The following BTBD16 variants were observed in gnomAD, a reference collection of about 807,000 sequenced individuals.
The protein encoded by BTBD16 is BTB domain containing 16, also known as BTB/POZ domain-containing protein 16.
In BTBD16, 66 loss-of-function variants were observed where a neutral mutation model predicts 67.4. The ratio of observed to expected loss-of-function variants is 0.98; its 90% CI spans 0.80 to 1.20. The LOEUF (loss-of-function observed/expected upper bound fraction) is 1.20. Ranked by LOEUF, BTBD16 falls within the 50% of genes most tolerant of loss-of-function variation. The pLI is 0.00. For synonymous variants in BTBD16, 242 were observed against 236.4 expected, an observed-to-expected ratio of 1.02 and a Z score of -0.22; for missense variants, 634 against 616.0, an observed-to-expected ratio of 1.03 and a Z score of -0.31.
At chr10:122,287,248 C>A in intron 5 of BTBD16, 1 of 178,780 alleles carries the variant, frequency 5.6e-6, no homozygotes, top group Non-Finnish European at 1.1e-5. Context: ...CCAGACTGGG[C>A]TCTTCCATCT....
intron 9 of BTBD16, among the ~76,000 whole-genome samples, chr10:122,302,629 G>T (rs901747329): frequency 5.3e-5 from 8 of 152,206 alleles, no homozygotes; most frequent in Admixed American, 2.0e-4. Context: ...ATGGGACAAG[G>T]TTCCTATGGG....
At chr10:122,275,205 C>T in intron 2 of BTBD16, 106 bp downstream of exon 2, 1 of 1,110,636 alleles carries the variant, frequency 9.0e-7, no homozygotes. Context: ...CACCGAGGAC[C>T]TCAAGCATTA....
intron 9 of BTBD16, among the ~76,000 whole-genome samples, chr10:122,301,076 C>T (rs2096392898): frequency 6.6e-6 from 1 of 152,186 alleles, no homozygotes; most frequent in South Asian, 2.1e-4. Context: ...CACTGGCTCA[C>T]TCCTAAAGTC....
At chr10:122,325,607 T>C (rs562952999) in intron 10 of BTBD16, among the ~76,000 whole-genome samples, 3 of 152,226 alleles carry the variant, frequency 2.0e-5, no homozygotes. Context: ...CAGGAATTAT[T>C]GTTTCATTTA....
At chr10:122,316,600 C>T (rs2096424965) in intron 10 of BTBD16, among the ~76,000 whole-genome samples, 2 of 152,002 alleles carry the variant, frequency 1.3e-5, no homozygotes, top group South Asian at 2.1e-4. Context: ...ATATCATAGG[C>T]AGTTGTAACA....
chr10:122,296,333 A>G (rs2096383117), intron 7 of BTBD16, among the ~76,000 whole-genome samples: 1 of 152,198 alleles, frequency 6.6e-6, no homozygotes, highest in Non-Finnish European at 1.5e-5. Context: ...GCTACTCTCC[A>G]GGGATGTGGT....
intron 10 of BTBD16, among the ~76,000 whole-genome samples, chr10:122,310,766 T>G (rs1273470454): frequency 6.6e-6 from 1 of 152,224 alleles, no homozygotes; most frequent in African/African-American, 2.4e-5. Flanking sequence ...GGGGACATGT[T>G]GAGGCCGTCA....
intron 10 of BTBD16, among the ~76,000 whole-genome samples, chr10:122,316,253 C>T (rs185358192): frequency 6.6e-5 from 10 of 152,178 alleles, no homozygotes; most frequent in Admixed American, 5.2e-4. Flanking sequence ...GGTGACTGAA[C>T]GAGACTCCAA....
In BTBD16 at chr10:122,338,121, C is replaced by T; in HGVS notation, c.*36C>T. 4 of 1,476,886 alleles carry T rather than the reference C, an allele frequency of 2.7e-6. No homozygotes were observed. The highest frequency in any genetic ancestry group is 2.8e-6 in the Non-Finnish European group (3 of 1,057,680). 91.5% of individuals were successfully genotyped at this position (1,476,886 alleles called of 1,614,324 possible). ...AAGAATCTATGGGATTTTCCCCCCA[C>T]TGGTCTGCATAAAAGAAAATAAAAT... On this transcript the variant is annotated 3_prime_UTR_variant, in exon 16 of 16. Transcript: ENST00000260723.
intron 10 of BTBD16, among the ~76,000 whole-genome samples, chr10:122,326,386 C>T (rs79431614): frequency 0.024 from 3,605 of 152,286 alleles, 146 homozygotes; most frequent in African/African-American, 0.082. Context: ...CTTTCTGTCT[C>T]TACGAATTTG....
chr10:122,273,221 G>GATATATATATATATATATATATAT (rs71715395), intron 1 of BTBD16, among the ~76,000 whole-genome samples: 154 of 129,406 alleles, frequency 1.2e-3, no homozygotes, highest in Non-Finnish European at 1.8e-3. Flanking sequence ...GCAACACAAA[G>GATATATATATATATATATATATAT]ATATATATAT....
chr10:122,312,015 A>G lies in BTBD16; in HGVS notation c.911+4707A>G, dbSNP rs1380590661. 2.0e-5 allele frequency among the ~76,000 whole-genome samples: 3 copies of G among 152,340 alleles called. No homozygotes were observed. In the East Asian group the frequency reaches 5.8e-4, roughly 29 times the overall value. ...TATTTCATTATATGATTATACCACAATTTATTCAGATGTTGGTGGACATGT... is the reference window on the plus strand; with the variant it reads ...TATTTCATTATATGATTATACCACAGTTTATTCAGATGTTGGTGGACATGT... On this transcript the variant is annotated intron_variant, in intron 10 of 15. Transcript: ENST00000260723.
chr10:122,320,382 T>C (rs989458406), intron 10 of BTBD16, among the ~76,000 whole-genome samples: 2 of 152,208 alleles, frequency 1.3e-5, no homozygotes, highest in East Asian at 3.9e-4. Context: ...TATATCTAGT[T>C]TGATGATAAA....
In BTBD16 at chr10:122,286,097, G is replaced by A. The variant is rs756059088; in HGVS notation, c.242-8G>A. The A allele has an allele frequency of 1.1e-5, 18 of 1,610,366 alleles. No individual in the cohort carries two copies. The highest frequency in any genetic ancestry group is 1.5e-5 in the Non-Finnish European group (18 of 1,177,604). Reference sequence around the variant, plus strand: ...ATGTGTTTGCTCAGCATCATTTTCTGTCCTCAGATGTGATTCTCGAGTGCC... The same window carrying A: ...ATGTGTTTGCTCAGCATCATTTTCTATCCTCAGATGTGATTCTCGAGTGCC... On this transcript the variant is annotated splice_region_variant and splice_polypyrimidine_tract_variant and intron_variant, in intron 4 of 15. Coordinates refer to ENST00000260723, the MANE Select transcript of BTBD16 (RefSeq NM_144587.5).
At chr10:122,286,711 C>G (rs1486604907) in intron 5 of BTBD16, among the ~76,000 whole-genome samples, 2 of 152,170 alleles carry the variant, frequency 1.3e-5, no homozygotes, top group Non-Finnish European at 2.9e-5. Context: ...ATGTGTGCAT[C>G]TATTTTGTTG....
At chr10:122,287,585 C>T (rs973740348) in intron 5 of BTBD16, 30 of 590,716 alleles carry the variant, frequency 5.1e-5, no homozygotes, top group Middle Eastern at 8.8e-4. Flanking sequence ...ATGGGATTCA[C>T]GTCTTTCAAT....
chr10:122,334,841 T>C (rs1325062144), intron 13 of BTBD16, 40 bp from the exon 14 acceptor site: 4 of 1,276,724 alleles, frequency 3.1e-6, no homozygotes, highest in African/African-American at 1.5e-5. Context: ...TACTAAATAT[T>C]TTCCCCCCTT....
intron 10 of BTBD16, among the ~76,000 whole-genome samples, chr10:122,320,257 C>T (rs190265792): frequency 1.3e-5 from 2 of 151,994 alleles, no homozygotes; most frequent in African/African-American, 4.8e-5. Context: ...AGAGAGTGGA[C>T]CTTCTTGCCT....
At chr10:122,315,750 G>A (rs2096422993) in intron 10 of BTBD16, among the ~76,000 whole-genome samples, 1 of 152,096 alleles carries the variant, frequency 6.6e-6, no homozygotes, top group South Asian at 2.1e-4. Context: ...TTCAAGGAAC[G>A]TGTACTTTTC....
Sources: allele counts gnomAD v4.1 joint callset (sites outside exome capture counted in the v4.1 genomes callset), GRCh38; gene constraint gnomAD v4.1.1; transcripts MANE v1.5; gene names NCBI Gene and HGNC (gene_info 2026-07-23, HGNC 2026-07-21).